Variants in ELMO1 observed in about 807,000 individuals in gnomAD.
ELMO1 encodes engulfment and cell motility 1.
In ELMO1, 26 loss-of-function variants were observed where a neutral mutation model predicts 98.9. That is an observed-to-expected ratio of 0.26 (90% CI 0.19 to 0.36). The LOEUF (loss-of-function observed/expected upper bound fraction) is 0.36, where lower values mean the gene tolerates loss of function less well. ELMO1 is among the 10% of genes least tolerant of loss of function. The pLI is 1.00. For missense variants in ELMO1, 627 were observed against 935.2 expected (o/e 0.67, Z 4.30); for synonymous variants, 346 against 346.0 (o/e 1.00, Z 0.00).
At chr7:36,895,753 C>T (rs1269210412) in intron 16 of ELMO1, among the ~76,000 whole-genome samples, 3 of 152,174 alleles carry the variant, frequency 2.0e-5, no homozygotes, top group East Asian at 1.9e-4. Flanking sequence ...GCATACAGCA[C>T]GAAAAGACCA....
chr7:37,035,941 A>G (rs1795150009), intron 15 of ELMO1, among the ~76,000 whole-genome samples: 1 of 152,212 alleles, frequency 6.6e-6, no homozygotes. Context: ...TGCAGTTATG[A>G]TTTAACACTG....
intron 15 of ELMO1, among the ~76,000 whole-genome samples, chr7:37,040,979 C>A (rs1584552759): frequency 6.6e-6 from 1 of 152,258 alleles, no homozygotes; most frequent in South Asian, 2.1e-4. Context: ...GCTCAGGAGG[C>A]AGAGGCAGAA....
At chr7:37,103,538 A>G (rs1584647694) in intron 14 of ELMO1, among the ~76,000 whole-genome samples, 1 of 113,816 alleles carries the variant, frequency 8.8e-6, no homozygotes, top group Non-Finnish European at 1.8e-5. Context: ...GGGAGGGGGG[A>G]GGGATAGCAT....
chr7:36,918,119 G>A (rs929244776), intron 16 of ELMO1, among the ~76,000 whole-genome samples: 1 of 152,124 alleles, frequency 6.6e-6, no homozygotes, highest in Non-Finnish European at 1.5e-5. Flanking sequence ...TGTAGGGAAT[G>A]GGGGGTGAAG....
Position 36,881,760 on chromosome 7 carries a change from T to G in ELMO1, c.1715-3643A>C, listed in dbSNP as rs887400311. ...AAGCTATTCCCAATGTCACATAGAT[T>G]GTTATGGAGCTAATAACCACTGTCA... is the stretch of plus-strand genomic sequence containing the variant. On this transcript the variant is annotated intron_variant, in intron 18 of 21. Transcript: ENST00000310758. Among the ~76,000 whole-genome samples, 3 of 152,342 alleles carry G rather than the reference T, an allele frequency of 2.0e-5. No individual in the cohort carries two copies. The East Asian group carries it at 5.8e-4, about 29-fold the overall frequency.
intron 4 of ELMO1, among the ~76,000 whole-genome samples, chr7:37,277,834 CCT>C (rs1796927780): frequency 6.6e-6 from 1 of 152,244 alleles, no homozygotes; most frequent in African/African-American, 2.4e-5. Context: ...TTGTATGCTT[CCT>C]CTGTCTTTAC....
At chr7:37,231,908 A>T (rs1794195495) in intron 8 of ELMO1, among the ~76,000 whole-genome samples, 1 of 152,092 alleles carries the variant, frequency 6.6e-6, no homozygotes, top group Admixed American at 6.6e-5. Context: ...ACTGGAGTGT[A>T]GTGGTGCAAT....
intron 16 of ELMO1, among the ~76,000 whole-genome samples, chr7:36,956,943 G>A (rs1185463380): frequency 6.6e-6 from 1 of 152,156 alleles, no homozygotes; most frequent in Non-Finnish European, 1.5e-5. Flanking sequence ...AATGCTCAGT[G>A]GCGAGCAAAG....
intron 1 of ELMO1, among the ~76,000 whole-genome samples, chr7:37,416,602 T>A (rs1216468442): frequency 6.6e-6 from 1 of 152,216 alleles, no homozygotes; most frequent in African/African-American, 2.4e-5. Context: ...GAGGGCCACA[T>A]TTGCTTACAA....
chr7:36,991,346 T>C (rs929354631), intron 16 of ELMO1, among the ~76,000 whole-genome samples: 7 of 152,192 alleles, frequency 4.6e-5, no homozygotes, highest in Admixed American at 4.6e-4. Flanking sequence ...AATCAGACCA[T>C]ATCTCCCAAG....
At chr7:37,381,918 A>G (rs148139733) in intron 1 of ELMO1, among the ~76,000 whole-genome samples, 1 of 152,330 alleles carries the variant, frequency 6.6e-6, no homozygotes, top group East Asian at 1.9e-4. Flanking sequence ...TTTAAATTAT[A>G]TACTTTCAAG....
chr7:37,154,769 T>C (rs1254535292), intron 13 of ELMO1, among the ~76,000 whole-genome samples: 1 of 152,084 alleles, frequency 6.6e-6, no homozygotes, highest in African/African-American at 2.4e-5. Flanking sequence ...GCTTCCCCAA[T>C]CTAGCAAGGC....
intron 2 of ELMO1, among the ~76,000 whole-genome samples, chr7:37,323,404 G>A (rs1017257757): frequency 1.3e-5 from 2 of 152,174 alleles, no homozygotes; most frequent in East Asian, 1.9e-4. Context: ...ACGTAAGTTA[G>A]ATTTAAGGAT....
chr7:36,918,721 T>C (rs528882944), intron 16 of ELMO1, among the ~76,000 whole-genome samples: 15 of 152,366 alleles, frequency 9.8e-5, no homozygotes, highest in Middle Eastern at 3.4e-3. Context: ...CAAGGGCTTT[T>C]GCTAAATAAA....
chr7:37,436,640 T>A (rs1436626921), intron 1 of ELMO1, among the ~76,000 whole-genome samples: 1 of 152,240 alleles, frequency 6.6e-6, no homozygotes, highest in African/African-American at 2.4e-5. Flanking sequence ...CATGAGCTAC[T>A]GCTTAATGAG....
At chr7:37,044,662 C>T (rs1267842433) in intron 15 of ELMO1, among the ~76,000 whole-genome samples, 1 of 152,206 alleles carries the variant, frequency 6.6e-6, no homozygotes, top group Non-Finnish European at 1.5e-5. Flanking sequence ...TGCTCCAACA[C>T]CTGTTCTCAC....
rs76030195 is a variant in ELMO1 at position 36,954,506 on chromosome 7, G to C, written c.1437+58793C>G. ...TTGGGTTTCTGCTAGCAGCAAGCAG[G>C]GTAATCTGTTCTTGGATCCTCCCCC... On this transcript the variant is annotated intron_variant, in intron 16 of 21. Transcript: ENST00000310758. 4.2e-3 allele frequency among the ~76,000 whole-genome samples: 640 copies of C among 152,162 alleles called. 11 individuals are homozygous for C. The highest frequency in any genetic ancestry group is 0.015 in the African/African-American group (610 of 41,506).
chr7:36,969,069 G>A (rs980718773), intron 16 of ELMO1, among the ~76,000 whole-genome samples: 1 of 151,980 alleles, frequency 6.6e-6, no homozygotes, highest in Non-Finnish European at 1.5e-5. Context: ...ATGCATTTTT[G>A]AAAAAGTTGC....
chr7:37,134,306 C>A (rs1449151549), intron 13 of ELMO1, among the ~76,000 whole-genome samples: 2 of 152,146 alleles, frequency 1.3e-5, no homozygotes, highest in Non-Finnish European at 2.9e-5. Flanking sequence ...GGCATGGTAG[C>A]TCATGCCTGT....
Sources: gnomAD v4.1 joint callset for allele counts (sites outside exome capture counted in the v4.1 genomes callset) on GRCh38, gnomAD v4.1.1 for gene constraint, MANE v1.5 for transcripts, NCBI Gene and HGNC (gene_info 2026-07-23, HGNC 2026-07-21) for gene names.